The following GALNT17 variants were observed in gnomAD, a reference collection of about 807,000 sequenced individuals.
GALNT17 encodes the protein polypeptide N-acetylgalactosaminyltransferase 17.
Under a neutral mutation model 63.7 loss-of-function variants are expected in GALNT17, and 29 were observed. The ratio of observed to expected loss-of-function variants is 0.46; its 90% CI spans 0.34 to 0.62. The LOEUF (loss-of-function observed/expected upper bound fraction) is 0.62. Ranked by LOEUF, GALNT17 falls within the 20% of genes least tolerant of loss-of-function variation. The pLI is 0.01. For synonymous variants in GALNT17, 305 were observed against 318.3 expected (o/e 0.96, Z 0.45); for missense variants, 603 against 799.6 (o/e 0.75, Z 2.97).
At chr7:71,596,026 AT>A (rs1387215161) in intron 6 of GALNT17, among the ~76,000 whole-genome samples, 2 of 151,752 alleles carry the variant, frequency 1.3e-5, no homozygotes, top group Non-Finnish European at 2.9e-5. Flanking sequence ...TGATTTCTTG[AT>A]TTGTTTTTTG....
intron 1 of GALNT17, among the ~76,000 whole-genome samples, chr7:71,270,564 A>G (rs1234667177): frequency 3.3e-5 from 5 of 149,902 alleles, no homozygotes; most frequent in African/African-American, 1.2e-4. Flanking sequence ...AAAAAAAAGA[A>G]ACGAATTTTC....
At chr7:71,554,588 G>A (rs929587012) in intron 5 of GALNT17, among the ~76,000 whole-genome samples, 1 of 152,102 alleles carries the variant, frequency 6.6e-6, no homozygotes, top group Admixed American at 6.6e-5. Context: ...ATTATTTTAG[G>A]TCCTCTCTCT....
intron 6 of GALNT17, among the ~76,000 whole-genome samples, chr7:71,652,936 G>A (rs1285677217): frequency 6.6e-6 from 1 of 152,196 alleles, no homozygotes; most frequent in Non-Finnish European, 1.5e-5. Flanking sequence ...GCCCAGCAAG[G>A]AGAATCGGGC....
intron 1 of GALNT17, among the ~76,000 whole-genome samples, chr7:71,332,172 G>A (rs1357899776): frequency 6.6e-6 from 1 of 152,038 alleles, no homozygotes; most frequent in African/African-American, 2.4e-5. Flanking sequence ...CTGATCTCTG[G>A]AGACTGTGTA....
intron 1 of GALNT17, among the ~76,000 whole-genome samples, chr7:71,244,468 C>T (rs1484070756): frequency 6.6e-6 from 1 of 152,140 alleles, no homozygotes; most frequent in Non-Finnish European, 1.5e-5. Flanking sequence ...GAGTTTGAAC[C>T]TCAACTCTGC....
At chr7:71,349,584 G>A (rs866678927) in intron 2 of GALNT17, among the ~76,000 whole-genome samples, 7 of 152,162 alleles carry the variant, frequency 4.6e-5, no homozygotes, top group East Asian at 3.8e-4. Flanking sequence ...AAGACGTGAC[G>A]GAACCAATGC....
intron 5 of GALNT17, among the ~76,000 whole-genome samples, chr7:71,479,179 A>G (rs17329): frequency 0.15 from 22,502 of 152,168 alleles, 2,281 homozygotes; most frequent in East Asian, 0.54. Context: ...ATTGTCTTTT[A>G]CAGTGGATTC....
intron 1 of GALNT17, among the ~76,000 whole-genome samples, chr7:71,190,025 A>T (rs1429176069): frequency 6.6e-6 from 1 of 151,868 alleles, no homozygotes; most frequent in Admixed American, 6.6e-5. Flanking sequence ...GTTAGCCAGG[A>T]TGGTCTCGAT....
chr7:71,622,712 G>A (rs1790314914), intron 6 of GALNT17, among the ~76,000 whole-genome samples: 1 of 152,180 alleles, frequency 6.6e-6, no homozygotes. Flanking sequence ...TCTGGTTAGA[G>A]ATGGGAAGAG....
intron 1 of GALNT17, among the ~76,000 whole-genome samples, chr7:71,276,837 A>G (rs1344868506): frequency 2.0e-5 from 3 of 152,034 alleles, no homozygotes; most frequent in Non-Finnish European, 4.4e-5. Flanking sequence ...CTATCTACTA[A>G]AAATATAAAA....
chr7:71,568,887 C>T (rs532033579), intron 5 of GALNT17, among the ~76,000 whole-genome samples: 3 of 152,222 alleles, frequency 2.0e-5, no homozygotes, highest in East Asian at 1.9e-4. Flanking sequence ...TTGCAATGAA[C>T]GTGGTAGAAT....
intron 5 of GALNT17, among the ~76,000 whole-genome samples, chr7:71,532,454 A>G (rs986144675): frequency 3.3e-5 from 5 of 152,114 alleles, no homozygotes; most frequent in African/African-American, 1.2e-4. Flanking sequence ...CATATGTCTA[A>G]ATGTATTAAT....
chr7:71,430,917 G>A (rs1056578456), intron 5 of GALNT17, among the ~76,000 whole-genome samples: 1 of 152,116 alleles, frequency 6.6e-6, no homozygotes, highest in Admixed American at 6.6e-5. Context: ...CTCAGCTTTG[G>A]GGTAAGCATT....
chr7:71,161,192 T>C (rs1788335525), intron 1 of GALNT17, among the ~76,000 whole-genome samples: 3 of 152,244 alleles, frequency 2.0e-5, no homozygotes, highest in Admixed American at 2.0e-4. Flanking sequence ...CAGCAATGTA[T>C]AAAATCTTTG....
Position 71,472,322 on chromosome 7 carries a change from T to A in GALNT17, c.962+51217T>A, listed in dbSNP as rs1787645834. Among the ~76,000 whole-genome samples the A allele has an allele frequency of 3.3e-5, 5 of 152,300 alleles. 1 individual carries two copies. In the South Asian group the frequency reaches 1.0e-3, roughly 32 times the overall value. Reference sequence around the variant, plus strand: ...TTTGGAGGGGACACAAACATTTAGCTCATAATGGTTATTGTGGAAGATGTT... The same window carrying A: ...TTTGGAGGGGACACAAACATTTAGCACATAATGGTTATTGTGGAAGATGTT... On this transcript the variant is annotated intron_variant, in intron 5 of 10. Transcript: ENST00000333538.
intron 9 of GALNT17, among the ~76,000 whole-genome samples, chr7:71,681,776 C>T (rs1584134589): frequency 6.6e-6 from 1 of 152,204 alleles, no homozygotes; most frequent in African/African-American, 2.4e-5. Context: ...TAATCAAAAA[C>T]TGCTCCAAGG....
At chr7:71,137,878 T>A (rs1585830479) in intron 1 of GALNT17, among the ~76,000 whole-genome samples, 1 of 152,224 alleles carries the variant, frequency 6.6e-6, no homozygotes, top group East Asian at 1.9e-4. Context: ...ACTTGCACAG[T>A]CAAAAATCCA....
At chr7:71,360,216 T>A (rs1234776806) in intron 2 of GALNT17, among the ~76,000 whole-genome samples, 1 of 152,226 alleles carries the variant, frequency 6.6e-6, no homozygotes, top group Admixed American at 6.5e-5. Flanking sequence ...TACAATTTGA[T>A]ATCTTAGCTG....
In GALNT17 at chr7:71,132,658, C is replaced by G. The variant is rs1172713198; in HGVS notation, c.-145C>G. The G allele has an allele frequency of 3.0e-6, 2 of 663,670 alleles. No individual in the cohort carries two copies. Among genetic ancestry groups the G allele is most frequent in the East Asian group, 3.0e-5 (1 of 33,496 alleles). 41.1% of individuals were successfully genotyped at this position (663,670 alleles called of 1,614,324 possible). ...CGACCTCCCAGCCGTCTCCGCCGCC[C>G]GAGCATCCTTGAGGTGGGACGAGCA... On this transcript the variant is annotated 5_prime_UTR_variant, in exon 1 of 11. Transcript: ENST00000333538.
Sources: gnomAD v4.1 joint callset for allele counts (sites outside exome capture counted in the v4.1 genomes callset) on GRCh38, gnomAD v4.1.1 for gene constraint, MANE v1.5 for transcripts, NCBI Gene and HGNC (gene_info 2026-07-23, HGNC 2026-07-21) for gene names.